Variants in CEP126 observed in about 807,000 individuals in gnomAD.
CEP126 encodes the protein centrosomal protein 126, also known as centrosomal protein of 126 kDa.
A neutral mutation model predicts 107.8 loss-of-function variants in CEP126; 74 were observed. The ratio of observed to expected loss-of-function variants is 0.69; its 90% CI spans 0.57 to 0.83. The LOEUF is 0.83. Among genes scored for constraint, CEP126 ranks in the 40% least tolerant of loss-of-function variants. CEP126 has a pLI of 0.00. For missense variants in CEP126, 1,237 were observed against 1,281.9 expected (o/e 0.96, Z 0.53); for synonymous variants, 449 against 446.0 (o/e 1.01, Z -0.08).
intron 9 of CEP126, among the ~76,000 whole-genome samples, chr11:101,987,776 T>C (rs1320451842): frequency 1.3e-5 from 2 of 152,038 alleles, no homozygotes; most frequent in Non-Finnish European, 2.9e-5. Flanking sequence ...ATCACACTAA[T>C]TTACAGCCCA....
intron 7 of CEP126, 28 bp from the exon 8 acceptor site, chr11:101,981,861 G>T (rs1442008439): frequency 1.5e-6 from 2 of 1,364,128 alleles, no homozygotes; most frequent in East Asian, 2.4e-5. Context: ...ATGGAAATAT[G>T]TTTTAATTCA....
chr11:101,955,953 C>T, intron 4 of CEP126: 1 of 456,536 alleles, frequency 2.2e-6, no homozygotes, highest in South Asian at 1.5e-5. Flanking sequence ...ATCCATCCAT[C>T]TGTACCCTCT....
Position 101,963,443 on chromosome 11 carries a change from C to T in CEP126, c.2408C>T (p.Pro803Leu), listed in dbSNP as rs772185037. 13 of 1,614,118 alleles carry T rather than the reference C, an allele frequency of 8.1e-6. No individual in the cohort carries two copies. The highest frequency in any genetic ancestry group is 2.2e-5 in the South Asian group (2 of 91,082). Residue 803 changes from proline to leucine, a missense_variant, in exon 6 of 11, where the codon CCT becomes CTT. Pro to Leu is a moderately conservative substitution (Grantham distance 98, BLOSUM62 -3). Around this residue, in one of 3 missense-constraint regions of CEP126, gnomAD observed 1,134 missense variants for 1,150.5 expected, o/e 0.99. Transcript: ENST00000263468. ...GGAAAATTAATTATACCTTGTCCTC[C>T]TCCTCAATCTACATCAAATATTAGA... ...AQGKLIIPCP[P>L]PQSTSNIRSG...
chr11:101,983,268 G>T (rs1366108373), intron 8 of CEP126, among the ~76,000 whole-genome samples: 1 of 152,202 alleles, frequency 6.6e-6, no homozygotes, highest in Non-Finnish European at 1.5e-5. Context: ...CAACCTAAGT[G>T]TAAAATGTCT....
chr11:101,926,340 G>A (rs1021319932), intron 2 of CEP126, among the ~76,000 whole-genome samples: 24 of 152,172 alleles, frequency 1.6e-4, no homozygotes, highest in African/African-American at 5.8e-4. Context: ...ATGTGAAAAA[G>A]CCTAATGTTA....
intron 5 of CEP126, 73 bp from the exon 6 acceptor site, chr11:101,961,668 A>G: frequency 8.9e-6 from 7 of 789,374 alleles, no homozygotes; most frequent in Non-Finnish European, 1.2e-5. Flanking sequence ...CTCAGTAACA[A>G]TGGTATGTTG....
At position 101,915,278 on chromosome 11, in the gene CEP126, G is replaced by A. The variant is rs1940179143; in HGVS notation, c.-7G>A. ...GGGCGAGCAGACAGGCGGCGCTGAA[G>A]TGAAGGATGCTGGCGGGGAGGCCCG... is the stretch of plus-strand genomic sequence containing the variant. On this transcript the variant is annotated 5_prime_UTR_variant, in exon 1 of 11. The change creates a new upstream start codon in the 5' untranslated region. Coordinates refer to ENST00000263468, the MANE Select transcript of CEP126 (RefSeq NM_020802.4). The A allele has an allele frequency of 6.2e-7, 1 of 1,613,560 alleles. No individual in the cohort carries two copies. The highest frequency in any genetic ancestry group is 8.5e-7 in the Non-Finnish European group (1 of 1,179,912).
intron 6 of CEP126, 91 bp from the exon 7 acceptor site, chr11:101,978,256 G>C (rs1248758890): frequency 3.9e-6 from 3 of 775,488 alleles, no homozygotes; most frequent in Non-Finnish European, 6.6e-6. Context: ...GAGTTTTCTT[G>C]ATATTTGAAA....
At chr11:101,937,657 G>C (rs1940601923) in intron 2 of CEP126, among the ~76,000 whole-genome samples, 1 of 152,086 alleles carries the variant, frequency 6.6e-6, no homozygotes, top group Non-Finnish European at 1.5e-5. Context: ...ATGGTGGGGA[G>C]TGTTTTGTTC....
chr11:101,935,379 T>A (rs546124027), intron 2 of CEP126, among the ~76,000 whole-genome samples: 27 of 152,158 alleles, frequency 1.8e-4, no homozygotes, highest in Non-Finnish European at 3.2e-4. Flanking sequence ...ATCAATTGTT[T>A]GTTCTATGGT....
At chr11:101,974,752 T>C (rs1039238420) in intron 6 of CEP126, among the ~76,000 whole-genome samples, 1 of 152,180 alleles carries the variant, frequency 6.6e-6, no homozygotes, top group Non-Finnish European at 1.5e-5. Context: ...TTTGCAAAAA[T>C]AGCAAGGTTC....
At chr11:101,984,553 G>A (rs1941294564) in intron 8 of CEP126, among the ~76,000 whole-genome samples, 1 of 152,176 alleles carries the variant, frequency 6.6e-6, no homozygotes, top group Non-Finnish European at 1.5e-5. Flanking sequence ...TGATAATAGT[G>A]ATGATAATGG....
At position 101,998,672 on chromosome 11, in the gene CEP126, A is replaced by G. The variant is rs985483920; in HGVS notation, c.*1029A>G. Reference sequence around the variant, plus strand: ...AAACATGTGGCCTTTTATTAATAACACTACTAAATTTTGGTTCCTCCATAG... The same window carrying G: ...AAACATGTGGCCTTTTATTAATAACGCTACTAAATTTTGGTTCCTCCATAG... On this transcript the variant is annotated 3_prime_UTR_variant, in exon 11 of 11. Coordinates refer to ENST00000263468, the MANE Select transcript of CEP126 (RefSeq NM_020802.4). 2.0e-5 allele frequency: 3 copies of G among 149,972 alleles called. No individual in the cohort carries two copies. Among genetic ancestry groups the G allele is most frequent in the Admixed American group, 6.7e-5 (1 of 14,896 alleles). 9.3% of individuals were successfully genotyped at this position (149,972 alleles called of 1,614,324 possible).
At chr11:101,975,083 C>T (rs1289477672) in intron 6 of CEP126, among the ~76,000 whole-genome samples, 1 of 151,650 alleles carries the variant, frequency 6.6e-6, no homozygotes, top group African/African-American at 2.4e-5. Context: ...GAAGAAAATT[C>T]CAAGAATAGA....
At chr11:101,947,497 G>A (rs1253658153) in intron 3 of CEP126, among the ~76,000 whole-genome samples, 1 of 152,140 alleles carries the variant, frequency 6.6e-6, no homozygotes, top group Non-Finnish European at 1.5e-5. Flanking sequence ...GTGCAGGGCA[G>A]TATATGGATG....
At chr11:101,977,630 C>CAAA (rs952859970) in intron 6 of CEP126, among the ~76,000 whole-genome samples, 3 of 52,608 alleles carry the variant, frequency 5.7e-5, no homozygotes, top group African/African-American at 1.4e-4. Flanking sequence ...GACTCTGTCT[C>CAAA]AAAAAAAAAA....
At chr11:101,955,814 G>A (rs753967429) in intron 4 of CEP126, 11 of 452,590 alleles carry the variant, frequency 2.4e-5, no homozygotes, top group Non-Finnish European at 3.6e-5. Flanking sequence ...CTGTCCAGCT[G>A]TCTCCACACC....
intron 7 of CEP126, 79 bp downstream of exon 7, chr11:101,978,538 T>C: frequency 1.1e-6 from 1 of 877,412 alleles, no homozygotes; most frequent in Non-Finnish European, 1.9e-6. Flanking sequence ...AGGACTATGC[T>C]CTTGCTGTAA....
Position 101,962,471 on chromosome 11 carries a change from G to A in CEP126, c.1436G>A (p.Ser479Asn), listed in dbSNP as rs766230867. ...TCAGCTAGACCTTCAGCAAAGAACA[G>A]TATACACATAAAAGAAATTGATGCA... ...IQSARPSAKN[S>N]IHIKEIDAVQ... Residue 479 changes from serine to asparagine, a missense_variant, in exon 6 of 11, where the codon AGT becomes AAT. By Grantham distance (46) the Ser-to-Asn change is conservative. Coordinates refer to ENST00000263468, the MANE Select transcript of CEP126 (RefSeq NM_020802.4). 16 of 1,613,140 alleles carry A rather than the reference G, an allele frequency of 9.9e-6. No homozygotes were observed. In the African/African-American group the frequency reaches 1.6e-4, roughly 16 times the overall value.
Sources: allele counts gnomAD v4.1 joint callset (sites outside exome capture counted in the v4.1 genomes callset), GRCh38; gene constraint gnomAD v4.1.1; regional missense constraint gnomAD v4.1.1; transcripts MANE v1.5; gene names NCBI Gene and HGNC (gene_info 2026-07-23, HGNC 2026-07-21).